Variants in UBE2R2 observed in about 807,000 individuals in gnomAD.
UBE2R2 encodes the protein ubiquitin conjugating enzyme E2 R2, also known as ubiquitin-conjugating enzyme E2 R2.
UBE2R2 carries 1 observed loss-of-function variant against 27.8 expected under a neutral mutation model. The observed-to-expected ratio is 0.04, with a 90% CI of 0.01 to 0.17. The LOEUF (loss-of-function observed/expected upper bound fraction) is 0.17, where lower values mean the gene tolerates loss of function less well. UBE2R2 is among the 10% of genes least tolerant of loss of function. The pLI, the probability that UBE2R2 is intolerant of heterozygous loss-of-function variation, is 1.00. For missense variants in UBE2R2, 100 were observed against 291.0 expected, an observed-to-expected ratio of 0.34 and a Z score of 4.78; for synonymous variants, 106 against 113.3, an observed-to-expected ratio of 0.94 and a Z score of 0.41.
At chr9:33,837,227 A>G (rs1345177040) in intron 1 of UBE2R2, among the ~76,000 whole-genome samples, 1 of 149,658 alleles carries the variant, frequency 6.7e-6, no homozygotes, top group South Asian at 2.1e-4. Context: ...TTTTTCCTTT[A>G]TTTGTTTTTG....
intron 4 of UBE2R2, among the ~76,000 whole-genome samples, chr9:33,915,863 A>G (rs116430066): frequency 0.016 from 2,422 of 152,234 alleles, 61 homozygotes; most frequent in African/African-American, 0.056. Flanking sequence ...TTGTCAGGCC[A>G]GGCCTTCTCT....
chr9:33,891,428 T>C (rs961056154), intron 2 of UBE2R2, among the ~76,000 whole-genome samples: 2 of 151,794 alleles, frequency 1.3e-5, no homozygotes, highest in Admixed American at 1.3e-4. Context: ...GGCGGACCAC[T>C]TGAGGCCAGG....
intron 1 of UBE2R2, among the ~76,000 whole-genome samples, chr9:33,826,045 A>T (rs1820308907): frequency 6.6e-6 from 1 of 151,996 alleles, no homozygotes. Context: ...TGGGAGGCTG[A>T]GGCAGGAGAA....
At chr9:33,877,819 G>GTC (rs1435783363) in intron 1 of UBE2R2, among the ~76,000 whole-genome samples, 3 of 92,998 alleles carry the variant, frequency 3.2e-5, no homozygotes, top group East Asian at 2.7e-4. Flanking sequence ...CTGTCTGTCT[G>GTC]TCTGTCTCTC....
intron 1 of UBE2R2, among the ~76,000 whole-genome samples, chr9:33,846,758 T>G (rs1007896791): frequency 6.6e-6 from 1 of 152,210 alleles, no homozygotes; most frequent in African/African-American, 2.4e-5. Context: ...TGAGTATGGT[T>G]GTTTTCCAAT....
intron 1 of UBE2R2, among the ~76,000 whole-genome samples, chr9:33,842,092 A>G (rs1176578597): frequency 6.6e-6 from 1 of 152,068 alleles, no homozygotes; most frequent in East Asian, 1.9e-4. Context: ...GCAGGCCCGG[A>G]GGCAAAATTA....
intron 4 of UBE2R2, among the ~76,000 whole-genome samples, chr9:33,914,452 G>A (rs1301278424): frequency 2.6e-5 from 4 of 152,168 alleles, no homozygotes; most frequent in Admixed American, 2.6e-4. Context: ...TTGAAGTCAT[G>A]ATAAGAGTAT....
At chr9:33,874,553 A>T (rs191263715) in intron 1 of UBE2R2, among the ~76,000 whole-genome samples, 3 of 151,772 alleles carry the variant, frequency 2.0e-5, no homozygotes, top group Non-Finnish European at 2.9e-5. Context: ...ATATGCACAC[A>T]TTGTTTTTAT....
chr9:33,851,922 A>G (rs538830843), intron 1 of UBE2R2, among the ~76,000 whole-genome samples: 1 of 152,278 alleles, frequency 6.6e-6, no homozygotes, highest in South Asian at 2.1e-4. Context: ...AAAGTATTAA[A>G]ATATTATCTA....
At chr9:33,825,067 A>G (rs1011930415) in intron 1 of UBE2R2, among the ~76,000 whole-genome samples, 1 of 152,102 alleles carries the variant, frequency 6.6e-6, no homozygotes, top group Non-Finnish European at 1.5e-5. Context: ...TTGAGGACTC[A>G]TTAAAGGAAA....
At chr9:33,815,368 CTAA>C (rs1264703612), upstream of UBE2R2, among the ~76,000 whole-genome samples, 4 of 152,208 alleles carry the variant, frequency 2.6e-5, no homozygotes, top group Non-Finnish European at 4.4e-5. Context: ...ATGTACTCTA[CTAA>C]TGTAATATGT....
chr9:33,915,661 C>T (rs1822623370), intron 4 of UBE2R2, among the ~76,000 whole-genome samples: 1 of 152,166 alleles, frequency 6.6e-6, no homozygotes, highest in Admixed American at 6.5e-5. Context: ...TTCATTCATA[C>T]AATCAGTATT....
intron 2 of UBE2R2, among the ~76,000 whole-genome samples, chr9:33,898,140 C>T (rs964370183): frequency 2.6e-5 from 4 of 152,038 alleles, no homozygotes; most frequent in Admixed American, 1.3e-4. Flanking sequence ...GGCTGGAGTG[C>T]AGTGGCGTGA....
intron 3 of UBE2R2, among the ~76,000 whole-genome samples, chr9:33,900,885 T>C (rs2130810158): frequency 6.6e-6 from 1 of 152,236 alleles, no homozygotes; most frequent in East Asian, 1.9e-4. Flanking sequence ...TTATATTTAA[T>C]AGTCATGTCT....
At chr9:33,849,848 C>T (rs1165577705) in intron 1 of UBE2R2, among the ~76,000 whole-genome samples, 1 of 151,994 alleles carries the variant, frequency 6.6e-6, no homozygotes, top group East Asian at 1.9e-4. Flanking sequence ...GGCAACAGAA[C>T]CAGACCCCCT....
intron 1 of UBE2R2, among the ~76,000 whole-genome samples, chr9:33,833,090 G>A (rs929269945): frequency 6.6e-6 from 1 of 152,060 alleles, no homozygotes; most frequent in Admixed American, 6.6e-5. Context: ...TTTGAGAAAG[G>A]ATTTTGCTGT....
At chr9:33,855,372 G>A (rs985841428) in intron 1 of UBE2R2, among the ~76,000 whole-genome samples, 2 of 152,114 alleles carry the variant, frequency 1.3e-5, no homozygotes, top group East Asian at 3.8e-4. Flanking sequence ...AAGAAACTTA[G>A]GAATTCAGAA....
chr9:33,829,890 G>C (rs1384557663), intron 1 of UBE2R2, among the ~76,000 whole-genome samples: 1 of 150,958 alleles, frequency 6.6e-6, no homozygotes, highest in East Asian at 1.9e-4. Flanking sequence ...CCGCCTCCTG[G>C]GTTTTCAAGT....
At chr9:33,877,819 G>GTCTCTCTCTCTCTCTCTCTCTCTCTCTC (rs1435783363) in intron 1 of UBE2R2, among the ~76,000 whole-genome samples, 2 of 92,988 alleles carry the variant, frequency 2.2e-5, no homozygotes, top group African/African-American at 5.7e-5. Context: ...CTGTCTGTCT[G>GTCTCTCTCTCTCTCTCTCTCTCTCTCTC]TCTGTCTCTC....
Sources: gnomAD v4.1 joint callset for allele counts (sites outside exome capture counted in the v4.1 genomes callset) on GRCh38, gnomAD v4.1.1 for gene constraint, MANE v1.5 for transcripts, NCBI Gene and HGNC (gene_info 2026-07-23, HGNC 2026-07-21) for gene names.